The following RUNX1 variants were observed in gnomAD, a reference collection of about 807,000 sequenced individuals.
RUNX1 encodes runt-related transcription factor 1.
RUNX1 carries 19 observed loss-of-function variants against 42.8 expected under a neutral mutation model. The observed-to-expected ratio is 0.44, with a 90% CI of 0.31 to 0.65. The LOEUF (loss-of-function observed/expected upper bound fraction) is 0.65, where lower values mean the gene tolerates loss of function less well. Among genes scored for constraint, RUNX1 ranks in the 30% least tolerant of loss-of-function variants. The pLI, the probability that RUNX1 is intolerant of heterozygous loss-of-function variation, is 0.07. For synonymous variants in RUNX1, 271 were observed against 289.4 expected, an observed-to-expected ratio of 0.94 and a Z score of 0.64; for missense variants, 528 against 672.0, an observed-to-expected ratio of 0.79 and a Z score of 2.37.
chr21:34,811,258 G>A (rs1238091171), intron 7 of RUNX1, among the ~76,000 whole-genome samples: 3 of 152,128 alleles, frequency 2.0e-5, no homozygotes, highest in Admixed American at 6.5e-5. Flanking sequence ...GAAGTGCCTC[G>A]TCCCCTTCAA....
Position 34,788,723 on chromosome 21 carries a change from A to C in RUNX1, c.*3412T>G, listed in dbSNP as rs2056399429. The C allele has an allele frequency of 8.6e-6, 2 of 233,564 alleles. No homozygotes were observed. The highest frequency in any genetic ancestry group is 1.7e-5 in the Non-Finnish European group (2 of 118,004). The allele number at this position is 233,564 out of a possible 1,614,324, so 14.5% of individuals were successfully genotyped here. On this transcript the variant is annotated 3_prime_UTR_variant, in exon 9 of 9. Coordinates refer to ENST00000675419, the MANE Select transcript of RUNX1 (RefSeq NM_001754.5). ...TGACCTGGCTAAAAACAAAATTCCC[A>C]ACAAACACACAAAAATCCCAAAACA...
chr21:34,968,206 G>A (rs538695020), intron 2 of RUNX1, among the ~76,000 whole-genome samples: 1 of 152,312 alleles, frequency 6.6e-6, no homozygotes, highest in African/African-American at 2.4e-5. Flanking sequence ...GGACTCTGGT[G>A]TTGCTTGTTG....
Position 35,034,601 on chromosome 21 carries a change from G to A in RUNX1, c.58+14241C>T, listed in dbSNP as rs187692987. The stretch of plus-strand genomic sequence containing the variant: ...ATGTCTGGAGATACATTTGGTTGTG[G>A]CAACATGAGGAGGGAAGGGTTGTCA... On this transcript the variant is annotated intron_variant, in intron 2 of 8. Transcript: ENST00000675419. Among the ~76,000 whole-genome samples, 12 of 152,332 alleles carry A rather than the reference G, an allele frequency of 7.9e-5. No individual in the cohort carries two copies. The East Asian group carries it at 2.1e-3, about 27-fold the overall frequency.
At position 34,792,050 on chromosome 21, in the gene RUNX1, G is replaced by T; in HGVS notation, c.*85C>A. On this transcript the variant is annotated 3_prime_UTR_variant, in exon 9 of 9. Coordinates refer to ENST00000675419, the MANE Select transcript of RUNX1 (RefSeq NM_001754.5). This position sits in a 1 kb window ranked among gnomAD's most constrained non-coding sequence, Gnocchi z 6.9. ...GGCCGGGCCCAGGGCCCGGGATCCCGGCGGGCTTGTCGCGAACAGGAGGCC... is the reference window on the plus strand; with the variant it reads ...GGCCGGGCCCAGGGCCCGGGATCCCTGCGGGCTTGTCGCGAACAGGAGGCC... The T allele has an allele frequency of 1.1e-6, 1 of 888,862 alleles. No individual in the cohort carries two copies. Among genetic ancestry groups the T allele is most frequent in the Non-Finnish European group, 1.6e-6 (1 of 641,528 alleles). 55.1% of individuals were successfully genotyped at this position (888,862 alleles called of 1,614,324 possible).
At position 34,843,304 on chromosome 21, in the gene RUNX1, G is replaced by C. The variant is rs1196842837; in HGVS notation, c.614-8703C>G. On this transcript the variant is annotated intron_variant, in intron 6 of 8. Transcript: ENST00000675419. The surrounding 1 kb of genome is among the most constrained non-coding windows in gnomAD (Gnocchi z 4.8). ...CACACAGACACATATATTAAGACAT[G>C]CACAGACACACATACACATACAGAC... Among the ~76,000 whole-genome samples the C allele has an allele frequency of 6.6e-6, 1 of 151,738 alleles. No homozygotes were observed. Among genetic ancestry groups the C allele is most frequent in the East Asian group, 1.9e-4 (1 of 5,164 alleles).
chr21:34,832,932 G>C (rs1189717952), intron 7 of RUNX1: 2 of 152,140 alleles, frequency 1.3e-5, no homozygotes, highest in African/African-American at 4.8e-5. Flanking sequence ...TTACTCCACA[G>C]ACAGGCCACT....
At chr21:34,933,302 G>T (rs138829438) in intron 2 of RUNX1, among the ~76,000 whole-genome samples, 1 of 152,298 alleles carries the variant, frequency 6.6e-6, no homozygotes, top group Non-Finnish European at 1.5e-5. Flanking sequence ...GCTACAAGTA[G>T]CCCCTCAGGT....
At chr21:34,844,824 T>A (rs1257972436) in intron 6 of RUNX1, among the ~76,000 whole-genome samples, 1 of 152,182 alleles carries the variant, frequency 6.6e-6, no homozygotes, top group Non-Finnish European at 1.5e-5. Flanking sequence ...CAACTGAGGT[T>A]CTAGGCTGGC....
At position 34,886,852 on chromosome 21, in the gene RUNX1, G is replaced by T. The variant is rs201747706; in HGVS notation, c.342C>A (p.Ile114=). 112 of 1,613,394 alleles carry T rather than the reference G, an allele frequency of 6.9e-5. 1 individual carries two copies. The East Asian group carries it at 2.3e-3, about 34-fold the overall frequency. The change falls in exon 4 of 9, where the codon ATC becomes ATA. Residue 114 remains isoleucine, a synonymous_variant. Transcript: ENST00000675419. ...THWRCNKTLP[I]AFKVVALGDV... ...CTCTCCGGGCCAGTACCTTGAAAGCGATGGGCAGGGTCTTGTTGCAGCGCC... is the reference window on the plus strand; with the variant it reads ...CTCTCCGGGCCAGTACCTTGAAAGCTATGGGCAGGGTCTTGTTGCAGCGCC...
intron 2 of RUNX1, among the ~76,000 whole-genome samples, chr21:34,966,925 G>A (rs933811507): frequency 5.3e-5 from 8 of 152,034 alleles, no homozygotes; most frequent in East Asian, 1.9e-4. Flanking sequence ...GAAGGAGAGC[G>A]CAGGGGTCCT....
Position 34,914,552 on chromosome 21 carries a change from C to A in RUNX1, c.59-21589G>T, listed in dbSNP as rs149087247. Among the ~76,000 whole-genome samples the A allele has an allele frequency of 7.6e-3, 1,155 of 152,312 alleles. 5 individuals carry two copies. The highest frequency in any genetic ancestry group is 0.019 in the African/African-American group (809 of 41,554). On this transcript the variant is annotated intron_variant, in intron 2 of 8. Coordinates refer to ENST00000675419, the MANE Select transcript of RUNX1 (RefSeq NM_001754.5). The stretch of plus-strand genomic sequence containing the variant: ...TTCCCCACTTCTGGGAGCTATCACT[C>A]TGGCCTTTCTCCCCTTCATATGGTC...
chr21:34,866,765 A>T (rs1369040659), intron 5 of RUNX1, among the ~76,000 whole-genome samples: 3 of 152,180 alleles, frequency 2.0e-5, no homozygotes, highest in Non-Finnish European at 2.9e-5. Flanking sequence ...TACTGTATAT[A>T]CTTGTGTGCA....
At chr21:35,042,134 C>T (rs187299557) in intron 2 of RUNX1, among the ~76,000 whole-genome samples, 93 of 152,240 alleles carry the variant, frequency 6.1e-4, no homozygotes, top group Non-Finnish European at 9.8e-4. Context: ...CTTGAGGAGA[C>T]GCTCAAGTGT....
chr21:34,886,455 TGG>T (rs2057988851), intron 4 of RUNX1, among the ~76,000 whole-genome samples: 1 of 152,150 alleles, frequency 6.6e-6, no homozygotes, highest in African/African-American at 2.4e-5. Context: ...GAAGACAAAA[TGG>T]TTTGGGTGTT....
intron 4 of RUNX1, among the ~76,000 whole-genome samples, chr21:34,886,497 G>A (rs1207049174): frequency 1.3e-5 from 2 of 152,254 alleles, no homozygotes; most frequent in South Asian, 2.1e-4. Flanking sequence ...CAGTAAGTTA[G>A]CAGACGGGCT....
At chr21:35,009,897 A>G (rs2059113124) in intron 2 of RUNX1, among the ~76,000 whole-genome samples, 1 of 152,202 alleles carries the variant, frequency 6.6e-6, no homozygotes, top group Non-Finnish European at 1.5e-5. Context: ...CTTATATGTA[A>G]AAGATGAGCA....
In RUNX1 at chr21:34,792,615, A is replaced by AG. The variant is rs2056462331; in HGVS notation, c.968-6dup. 1.3e-6 allele frequency: 2 copies of AG among 1,579,230 alleles called. No individual in the cohort carries two copies. The highest frequency in any genetic ancestry group is 1.2e-5 in the South Asian group (1 of 86,388). On this transcript the variant is annotated splice_polypyrimidine_tract_variant and splice_region_variant and intron_variant, in intron 8 of 8. Transcript: ENST00000675419. The surrounding 1 kb of genome is among the most constrained non-coding windows in gnomAD (Gnocchi z 6.9). ...ACGCTGTCAGGTCGGGTGCCGCTGC[A>AG]GGGCGGGCAAGAGAACGGAGCGGAA...
At chr21:34,928,797 T>C (rs966015913) in intron 2 of RUNX1, among the ~76,000 whole-genome samples, 1 of 152,172 alleles carries the variant, frequency 6.6e-6, no homozygotes, top group Non-Finnish European at 1.5e-5. Flanking sequence ...TGTTTTTTGT[T>C]AAGCCCACAG....
intron 7 of RUNX1, among the ~76,000 whole-genome samples, chr21:34,807,989 C>T (rs577939206): frequency 9.8e-5 from 15 of 152,330 alleles, no homozygotes; most frequent in South Asian, 8.3e-4. Flanking sequence ...AGCAAAGCTC[C>T]GGCACAGCAC....
Sources: allele counts gnomAD v4.1 joint callset (sites outside exome capture counted in the v4.1 genomes callset), GRCh38; gene constraint gnomAD v4.1.1; non-coding constraint Gnocchi (gnomAD v3.1); transcripts MANE v1.5; gene names NCBI Gene and HGNC (gene_info 2026-07-23, HGNC 2026-07-21).